Variants in SYNPR observed in about 807,000 individuals in gnomAD.
The protein encoded by SYNPR is synaptoporin.
A neutral mutation model predicts 32.9 loss-of-function variants in SYNPR; 23 were observed. The observed-to-expected ratio is 0.70, with a 90% confidence interval of 0.50 to 0.99. The LOEUF (loss-of-function observed/expected upper bound fraction) is 0.99. Among genes scored for constraint, SYNPR ranks in the 50% least tolerant of loss-of-function variants. The pLI is 0.00. For missense variants in SYNPR, 318 were observed against 349.3 expected (o/e 0.91, Z 0.71); for synonymous variants, 146 against 135.9 (o/e 1.07, Z -0.52).
intron 2 of SYNPR, among the ~76,000 whole-genome samples, chr3:63,325,447 T>TA (rs1456716899): frequency 6.6e-6 from 1 of 152,136 alleles, no homozygotes; most frequent in African/African-American, 2.4e-5. Context: ...GTCACTCAGG[T>TA]ACAAAATGTA....
chr3:63,247,544 C>A (rs1033761522), intron 1 of SYNPR, among the ~76,000 whole-genome samples: 3 of 151,988 alleles, frequency 2.0e-5, no homozygotes, highest in African/African-American at 4.8e-5. Flanking sequence ...CTGAGCTGGG[C>A]AAGGCACTAT....
chr3:63,282,180 T>A (rs1190268207), intron 2 of SYNPR, among the ~76,000 whole-genome samples: 1 of 152,256 alleles, frequency 6.6e-6, no homozygotes, highest in African/African-American at 2.4e-5. Flanking sequence ...GAGTTTTAGT[T>A]TTGTTAAAAT....
At chr3:63,277,246 ATAT>A (rs958224116), upstream of SYNPR, among the ~76,000 whole-genome samples, 14 of 152,142 alleles carry the variant, frequency 9.2e-5, no homozygotes, top group Non-Finnish European at 1.5e-4. Context: ...AATGGGAATA[ATAT>A]TATTATTAAC....
intron 2 of SYNPR, among the ~76,000 whole-genome samples, chr3:63,466,693 A>C (rs1252838796): frequency 7.4e-6 from 1 of 134,928 alleles, no homozygotes; most frequent in East Asian, 2.5e-4. Context: ...TCCAAGCTGA[A>C]GGTGCTGGCA....
At chr3:63,307,591 C>T (rs139484930) in intron 2 of SYNPR, among the ~76,000 whole-genome samples, 1 of 152,088 alleles carries the variant, frequency 6.6e-6, no homozygotes, top group Non-Finnish European at 1.5e-5. Context: ...GGCAGTTTCA[C>T]CACCCTTCCT....
Position 63,367,194 on chromosome 3 carries a change from T to C in SYNPR, c.84+88452T>C, listed in dbSNP as rs755475728. On this transcript the variant is annotated intron_variant, in intron 2 of 5. Coordinates refer to ENST00000478300, the MANE Select transcript of SYNPR (RefSeq NM_001130003.2). ...CAGGCCCACTGGGGAAAGTAAGGAG[T>C]AATTTTATATTTTATAATACCAAGT... Among the ~76,000 whole-genome samples the C allele has an allele frequency of 8.5e-4, 129 of 151,956 alleles. 4 individuals are homozygous for C. The highest frequency in any genetic ancestry group is 4.2e-4 in the South Asian group (2 of 4,806).
At chr3:63,356,397 CATT>C (rs2107026541) in intron 2 of SYNPR, among the ~76,000 whole-genome samples, 1 of 152,334 alleles carries the variant, frequency 6.6e-6, no homozygotes, top group East Asian at 1.9e-4. Context: ...ATTAAACACT[CATT>C]ATGTGTTAGA....
rs148561150 is a variant in SYNPR at position 63,527,717 on chromosome 3, C to T, written c.210-28826C>T. On this transcript the variant is annotated intron_variant, in intron 3 of 5. Coordinates refer to ENST00000478300, the MANE Select transcript of SYNPR (RefSeq NM_001130003.2). Reference sequence around the variant, plus strand: ...TGCATAAGCCTCCTTGTTTCCCCTTCCCCTGCTGTTTAAGCCCAGCAACCC... The same window carrying T: ...TGCATAAGCCTCCTTGTTTCCCCTTTCCCTGCTGTTTAAGCCCAGCAACCC... Among the ~76,000 whole-genome samples, 389 of 152,282 alleles carry T rather than the reference C, an allele frequency of 2.6e-3. 2 individuals carry two copies. Among genetic ancestry groups the T allele is most frequent in the African/African-American group, 8.8e-3 (367 of 41,564 alleles).
At chr3:63,394,503 T>C (rs1406198681) in intron 2 of SYNPR, among the ~76,000 whole-genome samples, 1 of 152,240 alleles carries the variant, frequency 6.6e-6, no homozygotes, top group African/African-American at 2.4e-5. Flanking sequence ...ATTTTGTATT[T>C]GCTTTCTTAA....
intron 3 of SYNPR, among the ~76,000 whole-genome samples, chr3:63,483,393 A>G (rs1439474253): frequency 6.6e-6 from 1 of 152,152 alleles, no homozygotes; most frequent in Non-Finnish European, 1.5e-5. Context: ...AATGCACAAT[A>G]TAATTTTAAA....
At chr3:63,248,362 T>C (rs2086306878) in intron 1 of SYNPR, among the ~76,000 whole-genome samples, 1 of 152,074 alleles carries the variant, frequency 6.6e-6, no homozygotes, top group Non-Finnish European at 1.5e-5. Flanking sequence ...GTGATGAAGA[T>C]ACGGGTGAAG....
At chr3:63,246,163 A>G (rs1039629592) in intron 1 of SYNPR, among the ~76,000 whole-genome samples, 2 of 152,102 alleles carry the variant, frequency 1.3e-5, no homozygotes, top group African/African-American at 4.8e-5. Context: ...TCTAGGCTCA[A>G]AGAAAAAATG....
chr3:63,443,399 C>A (rs1447622668), intron 2 of SYNPR: 2 of 1,592,444 alleles, frequency 1.3e-6, no homozygotes, highest in Admixed American at 1.8e-5. Flanking sequence ...GAGACAACCT[C>A]TATTTTCTTT....
At chr3:63,336,519 C>CAAAAAAAAAAAAAAAAAAAAAAAAAAAAA (rs3082131) in intron 2 of SYNPR, among the ~76,000 whole-genome samples, 1 of 48,816 alleles carries the variant, frequency 2.0e-5, no homozygotes, top group African/African-American at 7.0e-5. Flanking sequence ...CATTCCCATG[C>CAAAAAAAAAAAAAAAAAAAAAAAAAAAAA]AAAAAAAAAA....
chr3:63,566,655 G>A (rs1702793445), intron 4 of SYNPR, among the ~76,000 whole-genome samples: 2 of 152,026 alleles, frequency 1.3e-5, no homozygotes, highest in Non-Finnish European at 2.9e-5. Context: ...AGACTGCCTG[G>A]GCCCAAATCT....
intron 2 of SYNPR, among the ~76,000 whole-genome samples, chr3:63,450,491 G>A (rs565150258): frequency 2.7e-4 from 41 of 152,312 alleles, no homozygotes; most frequent in African/African-American, 9.6e-4. Flanking sequence ...CTAGTGAGCT[G>A]AAGAACCATT....
At chr3:63,252,103 T>G (rs181638996) in intron 1 of SYNPR, among the ~76,000 whole-genome samples, 1 of 152,014 alleles carries the variant, frequency 6.6e-6, no homozygotes, top group Non-Finnish European at 1.5e-5. Context: ...ATAAAAGATC[T>G]GCAAGATAAA....
chr3:63,207,962 T>G, the SYNPR span, among the ~76,000 whole-genome samples: 7 of 152,108 alleles, frequency 4.6e-5, no homozygotes, highest in Non-Finnish European at 1.0e-4. Flanking sequence ...AGAAGAGTAC[T>G]TCAAAGAAGA....
At chr3:63,522,880 A>G (rs1701941814) in intron 3 of SYNPR, among the ~76,000 whole-genome samples, 1 of 152,124 alleles carries the variant, frequency 6.6e-6, no homozygotes, top group Admixed American at 6.5e-5. Context: ...TTTTACCCTA[A>G]GAGCACAGGA....
Sources: allele counts gnomAD v4.1 joint callset (sites outside exome capture counted in the v4.1 genomes callset), GRCh38; gene constraint gnomAD v4.1.1; transcripts MANE v1.5; gene names NCBI Gene and HGNC (gene_info 2026-07-23, HGNC 2026-07-21).